Variants in ARHGEF12 observed in about 807,000 individuals in gnomAD.
The protein encoded by ARHGEF12 is KMT2A/ARHGEF12 fusion protein.
In ARHGEF12, 66 loss-of-function variants were observed where a neutral mutation model predicts 211.2. That is an observed-to-expected ratio of 0.31 (90% confidence interval 0.26 to 0.38). The LOEUF (loss-of-function observed/expected upper bound fraction) is 0.38, where lower values mean the gene tolerates loss of function less well. Among genes scored for constraint, ARHGEF12 ranks in the 10% least tolerant of loss-of-function variants. The pLI is 1.00. For synonymous variants in ARHGEF12, 592 were observed against 638.4 expected (o/e 0.93, Z 1.09); for missense variants, 1,429 against 1,869.5 (o/e 0.76, Z 4.34).
chr11:120,446,359 C>A, intron 16 of ARHGEF12, 44 bp from the exon 17 acceptor site: 1 of 1,484,202 alleles, frequency 6.7e-7, no homozygotes, highest in South Asian at 1.2e-5. Flanking sequence ...TGTATGTTGC[C>A]CAGAACATAC....
chr11:120,362,568 A>C (rs1943306538), intron 1 of ARHGEF12, among the ~76,000 whole-genome samples: 1 of 152,244 alleles, frequency 6.6e-6, no homozygotes, highest in Admixed American at 6.5e-5. Flanking sequence ...AGTTATTTCT[A>C]TAAACAGTGA....
chr11:120,404,732 G>A (rs1944648105), intron 1 of ARHGEF12, among the ~76,000 whole-genome samples: 1 of 152,170 alleles, frequency 6.6e-6, no homozygotes, highest in Non-Finnish European at 1.5e-5. Context: ...TGGCTGTGAG[G>A]TCGAGTGCCT....
chr11:120,473,034 C>G lies in ARHGEF12; in HGVS notation c.2956-16C>G. The G allele has an allele frequency of 6.2e-7, 1 of 1,612,688 alleles. No individual in the cohort carries two copies. Among genetic ancestry groups the G allele is most frequent in the Non-Finnish European group, 8.5e-7 (1 of 1,179,070 alleles). ...ACCAAAGCACTAACCTTGGTTCCAC[C>G]CTGCCTAATTTTCAGCGCCTAGAAG... On this transcript the variant is annotated splice_polypyrimidine_tract_variant and intron_variant, in intron 30 of 40. Coordinates refer to ENST00000397843, the MANE Select transcript of ARHGEF12 (RefSeq NM_015313.3).
chr11:120,419,573 T>A (rs529043855), intron 4 of ARHGEF12, among the ~76,000 whole-genome samples: 1 of 152,082 alleles, frequency 6.6e-6, no homozygotes, highest in South Asian at 2.1e-4. Context: ...TACAGTAGGC[T>A]CATGTACTCA....
chr11:120,374,176 G>T (rs1188433287), intron 1 of ARHGEF12, among the ~76,000 whole-genome samples: 1 of 152,140 alleles, frequency 6.6e-6, no homozygotes, highest in Non-Finnish European at 1.5e-5. Context: ...ACCAAGCATG[G>T]TTCCTCCTGT....
chr11:120,457,682 T>C (rs754605586), intron 23 of ARHGEF12, 39 bp from the exon 24 acceptor site: 1 of 1,541,886 alleles, frequency 6.5e-7, no homozygotes, highest in Non-Finnish European at 8.8e-7. Flanking sequence ...TTGATCACCA[T>C]TTTGTTTTCA....
chr11:120,459,740 G>A (rs965945641), intron 26 of ARHGEF12, among the ~76,000 whole-genome samples: 5 of 151,992 alleles, frequency 3.3e-5, no homozygotes, highest in Admixed American at 6.6e-5. Flanking sequence ...ATGGAGTCTC[G>A]CTCTGTTGCC....
chr11:120,428,745 C>T (rs976221452), intron 8 of ARHGEF12, among the ~76,000 whole-genome samples: 2 of 152,094 alleles, frequency 1.3e-5, no homozygotes, highest in Non-Finnish European at 2.9e-5. Flanking sequence ...GGAGAAAGCA[C>T]ATAGAAGAAG....
At chr11:120,434,650 T>G (rs1565478861) in intron 11 of ARHGEF12, among the ~76,000 whole-genome samples, 1 of 152,208 alleles carries the variant, frequency 6.6e-6, no homozygotes, top group Non-Finnish European at 1.5e-5. Context: ...CCTGGTGGTG[T>G]TTGTGAAAGT....
At chr11:120,378,889 A>G (rs1943803889) in intron 1 of ARHGEF12, among the ~76,000 whole-genome samples, 1 of 152,214 alleles carries the variant, frequency 6.6e-6, no homozygotes, top group East Asian at 1.9e-4. Context: ...ATAAGGTAAT[A>G]TAAGTCTTCC....
chr11:120,424,628 G>A (rs555929073), intron 7 of ARHGEF12, among the ~76,000 whole-genome samples: 8 of 152,340 alleles, frequency 5.3e-5, no homozygotes, highest in Non-Finnish European at 1.0e-4. Flanking sequence ...TTTGCCAAAA[G>A]TCTGTGATCC....
At position 120,429,815 on chromosome 11, in the gene ARHGEF12, C is replaced by T. The variant is rs999658957; in HGVS notation, c.767C>T (p.Ala256Val). The change falls in exon 10 of 41, where the codon GCC (alanine) becomes GTC (valine). Residue 256 changes from alanine to valine, a missense_variant. Physicochemically the swap from Ala to Val is moderately conservative, Grantham distance 64. Transcript: ENST00000397843. ...IPQLQEQLSKATGSAQDGAVV... is the reference protein window; with the variant it reads ...IPQLQEQLSKVTGSAQDGAVV... ...CAGCTGCAAGAGCAGTTATCCAAAGCCACAGGCTCTGCTCAGGTAGCATCA... is the reference window on the plus strand; with the variant it reads ...CAGCTGCAAGAGCAGTTATCCAAAGTCACAGGCTCTGCTCAGGTAGCATCA... The T allele has an allele frequency of 6.8e-6, 11 of 1,613,534 alleles. No homozygotes were observed. The highest frequency in any genetic ancestry group is 9.3e-6 in the Non-Finnish European group (11 of 1,179,806).
intron 16 of ARHGEF12, 101 bp from the exon 17 acceptor site, chr11:120,446,302 C>T (rs1267462403): frequency 2.9e-5 from 20 of 696,474 alleles, no homozygotes; most frequent in Non-Finnish European, 4.3e-5. Context: ...TTCCCTCTGG[C>T]ATATTCTAAG....
chr11:120,396,244 A>T (rs1944378674), intron 1 of ARHGEF12, among the ~76,000 whole-genome samples: 1 of 152,204 alleles, frequency 6.6e-6, no homozygotes. Context: ...AAATGATTAC[A>T]TAAATACATG....
chr11:120,412,216 A>AG (rs1204815984), intron 4 of ARHGEF12, among the ~76,000 whole-genome samples: 3 of 152,224 alleles, frequency 2.0e-5, no homozygotes, highest in Non-Finnish European at 4.4e-5. Flanking sequence ...AGATTCAGCA[A>AG]GGGAATTCTG....
chr11:120,442,291 A>T (rs1945892370), intron 15 of ARHGEF12, 89 bp downstream of exon 15: 2 of 943,722 alleles, frequency 2.1e-6, no homozygotes, highest in Admixed American at 6.0e-5. Flanking sequence ...ATGTTTTTGG[A>T]TTTTACTGTG....
intron 1 of ARHGEF12, among the ~76,000 whole-genome samples, chr11:120,394,556 A>G (rs1944316244): frequency 6.6e-6 from 1 of 151,828 alleles, no homozygotes; most frequent in African/African-American, 2.4e-5. Context: ...AGCAGAAGAA[A>G]AAAAAAATAG....
chr11:120,429,243 G>C (rs955757378), intron 8 of ARHGEF12, among the ~76,000 whole-genome samples, 197 bp from the exon 9 acceptor site: 3 of 152,178 alleles, frequency 2.0e-5, no homozygotes, highest in African/African-American at 7.2e-5. Context: ...AAATGAAATA[G>C]AAGGGCAGAC....
At position 120,488,405 on chromosome 11, in the gene ARHGEF12, A is replaced by G. The variant is rs1016538076; in HGVS notation, c.*3328A>G. The G allele has an allele frequency of 4.6e-6, 1 of 216,498 alleles. No homozygotes were observed. Among genetic ancestry groups the G allele is most frequent in the Non-Finnish European group, 9.3e-6 (1 of 107,558 alleles). 13.4% of individuals were successfully genotyped at this position (216,498 alleles called of 1,614,324 possible). On this transcript the variant is annotated 3_prime_UTR_variant, in exon 41 of 41. Transcript: ENST00000397843. ...GCAGGGCCTCACAGTCAGCTTCCTC[A>G]TGGCTAGTTTTTCCCCCTTATATTA...
Sources: allele counts gnomAD v4.1 joint callset (sites outside exome capture counted in the v4.1 genomes callset), GRCh38; gene constraint gnomAD v4.1.1; transcripts MANE v1.5; gene names NCBI Gene and HGNC (gene_info 2026-07-23, HGNC 2026-07-21).